BCAS3: variants seen among roughly 807,000 people sequenced by gnomAD.
BCAS3 encodes BCAS4/BCAS3 fusion.
In BCAS3, 53 loss-of-function variants were observed where a neutral mutation model predicts 116.1. The ratio of observed to expected loss-of-function variants is 0.46; its 90% CI spans 0.37 to 0.57. BCAS3 has a LOEUF of 0.57. Ranked by LOEUF, BCAS3 falls within the 20% of genes least tolerant of loss-of-function variation. The pLI is 0.00. For missense variants in BCAS3, 917 were observed against 1,165.4 expected, an observed-to-expected ratio of 0.79 and a Z score of 3.10; for synonymous variants, 391 against 408.2, an observed-to-expected ratio of 0.96 and a Z score of 0.51.
chr17:60,680,105 G>T (rs1189465590), intron 2 of BCAS3, among the ~76,000 whole-genome samples: 1 of 132,734 alleles, frequency 7.5e-6, no homozygotes, highest in African/African-American at 2.8e-5. Flanking sequence ...CTGCACCCTA[G>T]CCTGGGCGAC....
At chr17:61,070,373 A>G (rs748973139) in intron 19 of BCAS3, 1 of 103,752 alleles carries the variant, frequency 9.6e-6, no homozygotes, top group Non-Finnish European at 1.6e-5. Context: ...CTGAATATAT[A>G]TATATATATA....
chr17:60,751,088 C>G lies in BCAS3; in HGVS notation c.403+3809C>G, dbSNP rs8076615. ...TTTCTAAAGGTATTTCTGTAGAAAGCCTGTCCCCTAACTAAAAGTGAGAAA... is the reference window on the plus strand; with the variant it reads ...TTTCTAAAGGTATTTCTGTAGAAAGGCTGTCCCCTAACTAAAAGTGAGAAA... On this transcript the variant is annotated intron_variant, in intron 6 of 23. Transcript: ENST00000407086. Among the ~76,000 whole-genome samples the G allele has an allele frequency of 9.6e-3, 1,460 of 152,174 alleles. 29 individuals carry two copies. Among genetic ancestry groups the G allele is most frequent in the African/African-American group, 0.034 (1,399 of 41,494 alleles).
intron 6 of BCAS3, among the ~76,000 whole-genome samples, chr17:60,798,966 G>A (rs1445262090): frequency 1.3e-5 from 2 of 152,154 alleles, no homozygotes; most frequent in African/African-American, 4.8e-5. Flanking sequence ...GTTTTTATGT[G>A]TATCTTCTTG....
At chr17:60,881,188 A>G (rs950062424) in intron 9 of BCAS3, among the ~76,000 whole-genome samples, 1 of 152,048 alleles carries the variant, frequency 6.6e-6, no homozygotes, top group African/African-American at 2.4e-5. Flanking sequence ...GTTAGCCAGG[A>G]TGGTCTCGAT....
chr17:61,292,685 T>C (rs758482745), intron 22 of BCAS3, among the ~76,000 whole-genome samples: 4 of 151,706 alleles, frequency 2.6e-5, no homozygotes, highest in African/African-American at 7.3e-5. Context: ...GGGTGAGGGG[T>C]CCTTTATGCT....
At chr17:60,755,002 G>T (rs1259728304) in intron 6 of BCAS3, among the ~76,000 whole-genome samples, 2 of 152,098 alleles carry the variant, frequency 1.3e-5, no homozygotes, top group Non-Finnish European at 2.9e-5. Flanking sequence ...GCAATATTTT[G>T]CTAAGCCTGT....
At chr17:61,306,831 T>G (rs1177771596) in intron 22 of BCAS3, among the ~76,000 whole-genome samples, 5 of 152,232 alleles carry the variant, frequency 3.3e-5, no homozygotes, top group African/African-American at 1.2e-4. Flanking sequence ...TTTAAAATAT[T>G]TCTTTGAAAC....
chr17:61,205,035 A>T lies in BCAS3; in HGVS notation c.2425+120471A>T, dbSNP rs1423410079. On this transcript the variant is annotated intron_variant, in intron 22 of 23. Transcript: ENST00000407086. The surrounding 1 kb of genome is among the most constrained non-coding windows in gnomAD (Gnocchi z 5.2). ...GCCAGAGTGAGACCTTGTCTCAAAAAAAATTAAAGAATGACAGGATAAAAA... is the reference window on the plus strand; with the variant it reads ...GCCAGAGTGAGACCTTGTCTCAAAATAAATTAAAGAATGACAGGATAAAAA... Among the ~76,000 whole-genome samples, 2 of 152,172 alleles carry T rather than the reference A, an allele frequency of 1.3e-5. No homozygotes were observed. Among genetic ancestry groups the T allele is most frequent in the African/African-American group, 4.8e-5 (2 of 41,450 alleles).
At chr17:60,713,787 A>G (rs540317080) in intron 5 of BCAS3, among the ~76,000 whole-genome samples, 1 of 152,358 alleles carries the variant, frequency 6.6e-6, no homozygotes, top group East Asian at 1.9e-4. Flanking sequence ...TTGTGGAACC[A>G]GTCAGCACAG....
intron 12 of BCAS3, among the ~76,000 whole-genome samples, chr17:60,922,114 T>A (rs1394754354): frequency 6.6e-6 from 1 of 152,012 alleles, no homozygotes; most frequent in African/African-American, 2.4e-5. Flanking sequence ...CTGACAAAAT[T>A]GAAAGAAGAA....
chr17:61,227,000 G>A lies in BCAS3; in HGVS notation c.2426-141327G>A, dbSNP rs889641006. ...GGCCTTCCTGATGGGACCCTCGAGG[G>A]AGGAGAGGATGGAGACTGGGAGAGG... On this transcript the variant is annotated intron_variant, in intron 22 of 23. Coordinates refer to ENST00000407086, the MANE Select transcript of BCAS3 (RefSeq NM_017679.5). This position sits in a 1 kb window ranked among gnomAD's most constrained non-coding sequence, Gnocchi z 6.0. Among the ~76,000 whole-genome samples the A allele has an allele frequency of 1.4e-4, 21 of 152,220 alleles. No individual in the cohort carries two copies. The highest frequency in any genetic ancestry group is 5.1e-4 in the African/African-American group (21 of 41,456).
Position 61,028,917 on chromosome 17 carries a change from A to G in BCAS3, c.1638-5749A>G, listed in dbSNP as rs1385990943. On this transcript the variant is annotated intron_variant, in intron 16 of 23. Coordinates refer to ENST00000407086, the MANE Select transcript of BCAS3 (RefSeq NM_017679.5). This position sits in a 1 kb window ranked among gnomAD's most constrained non-coding sequence, Gnocchi z 4.3. The stretch of plus-strand genomic sequence containing the variant: ...GCATGTTTTTTCCATTAAGATCTTA[A>G]TGAAACCTCAAATTAAGGCAGCAAA... 6.6e-6 allele frequency among the ~76,000 whole-genome samples: 1 copy of G among 151,874 alleles called. No homozygotes were observed. The highest frequency in any genetic ancestry group is 1.5e-5 in the Non-Finnish European group (1 of 67,818).
Position 61,045,586 on chromosome 17 carries a change from C to T in BCAS3, c.2029+4694C>T, listed in dbSNP as rs565667223. 3.3e-3 allele frequency among the ~76,000 whole-genome samples: 492 copies of T among 149,476 alleles called. 7 individuals carry two copies. Among genetic ancestry groups the T allele is most frequent in the African/African-American group, 0.01 (415 of 40,732 alleles). On this transcript the variant is annotated intron_variant, in intron 19 of 23. Coordinates refer to ENST00000407086, the MANE Select transcript of BCAS3 (RefSeq NM_017679.5). ...TCCCAGCACTTTTGGAAGGCCGAGG[C>T]GGGGGGATCGCTTGAAGCCAGGAGT...
At position 61,364,287 on chromosome 17, in the gene BCAS3, T is replaced by G. The variant is rs4968555; in HGVS notation, c.2426-4040T>G. ...TCTCCTGTGTGCCATCCCGTAAACA[T>G]GGTGACTCATCGTCACCACCACCAA... is the stretch of plus-strand genomic sequence containing the variant. On this transcript the variant is annotated intron_variant, in intron 22 of 23. Transcript: ENST00000407086. This position sits in a 1 kb window ranked among gnomAD's most constrained non-coding sequence, Gnocchi z 5.4. Among the ~76,000 whole-genome samples, 17 of 152,224 alleles carry G rather than the reference T, an allele frequency of 1.1e-4. No individual in the cohort carries two copies. Among genetic ancestry groups the G allele is most frequent in the African/African-American group, 4.1e-4 (17 of 41,446 alleles).
chr17:61,014,071 C>T (rs745918895), intron 15 of BCAS3, among the ~76,000 whole-genome samples: 9 of 151,824 alleles, frequency 5.9e-5, no homozygotes, highest in East Asian at 1.9e-4. Flanking sequence ...CAACTTAATT[C>T]GAATTAGTAA....
intron 22 of BCAS3, among the ~76,000 whole-genome samples, chr17:61,150,494 A>G (rs754316051): frequency 2.6e-5 from 4 of 152,222 alleles, no homozygotes; most frequent in Non-Finnish European, 4.4e-5. Context: ...AGTGGGAACA[A>G]TCGTACAAGA....
In BCAS3 at chr17:61,391,069, C is replaced by A. The variant is rs2060108932; in HGVS notation, c.2594-908C>A. ...GTAATTGGTTCTTCCTTGCACTCAG[C>A]AAGCAGGGAATTCCATTCCCAACCC... On this transcript the variant is annotated intron_variant, in intron 23 of 23. Transcript: ENST00000407086. The surrounding 1 kb of genome is among the most constrained non-coding windows in gnomAD (Gnocchi z 7.7). The A allele has an allele frequency of 6.6e-6, 1 of 152,278 alleles. No homozygotes were observed. The highest frequency in any genetic ancestry group is 2.1e-4 in the South Asian group (1 of 4,834). The allele number at this position is 152,278 out of a possible 1,614,324, so 9.4% of individuals were successfully genotyped here.
intron 22 of BCAS3, among the ~76,000 whole-genome samples, chr17:61,194,148 G>C (rs1311688953): frequency 6.6e-6 from 1 of 152,096 alleles, no homozygotes; most frequent in Non-Finnish European, 1.5e-5. Flanking sequence ...GGCAGGGAGG[G>C]GAGGGGAGAG....
chr17:60,715,084 C>A (rs117770384), intron 5 of BCAS3, among the ~76,000 whole-genome samples: 1 of 150,984 alleles, frequency 6.6e-6, no homozygotes, highest in Admixed American at 6.6e-5. Flanking sequence ...CAAATAGTTT[C>A]GTGAGATTCA....
Sources: gnomAD v4.1 joint callset for allele counts (sites outside exome capture counted in the v4.1 genomes callset) on GRCh38, gnomAD v4.1.1 for gene constraint, Gnocchi (gnomAD v3.1) non-coding constraint, MANE v1.5 for transcripts, NCBI Gene and HGNC (gene_info 2026-07-23, HGNC 2026-07-21) for gene names.